Variants in NPIPB7 observed in about 807,000 individuals in gnomAD.
NPIPB7 encodes nuclear pore complex interacting protein family member B7, also known as nuclear pore complex-interacting protein family member B7.
For synonymous variants in NPIPB7, 9 were observed against 88.1 expected (o/e 0.10, Z 5.03); for missense variants, 14 against 238.5 (o/e 0.06, Z 6.20).
chr16:28,472,016 C>T (rs1250363705), upstream of NPIPB7, among the ~76,000 whole-genome samples: 10 of 151,888 alleles, frequency 6.6e-5, no homozygotes, highest in Non-Finnish European at 1.3e-4. Context: ...AGCAACAGAG[C>T]GAGACTCCGT....
chr16:28,461,934 TGA>T (rs1387797421), intron 4 of NPIPB7, among the ~76,000 whole-genome samples: 1 of 113,522 alleles, frequency 8.8e-6, no homozygotes, highest in African/African-American at 3.6e-5. Context: ...GGTGACAGAG[TGA>T]GACTCTGTCT....
upstream of NPIPB7, among the ~76,000 whole-genome samples, chr16:28,470,749 C>G (rs1393046448): frequency 1.3e-5 from 2 of 150,550 alleles, no homozygotes; most frequent in Non-Finnish European, 3.0e-5. Flanking sequence ...GGGAAAGGAT[C>G]CGGTTCAAAT....
At chr16:28,471,862 C>G (rs1174352716), upstream of NPIPB7, among the ~76,000 whole-genome samples, 2 of 151,980 alleles carry the variant, frequency 1.3e-5, no homozygotes, top group Non-Finnish European at 2.9e-5. Context: ...TCATGATTGA[C>G]CTCTCAGGGA....
intron 4 of NPIPB7, among the ~76,000 whole-genome samples, chr16:28,462,364 T>C (rs2045877052): frequency 6.8e-6 from 1 of 146,194 alleles, no homozygotes; most frequent in South Asian, 2.2e-4. Context: ...TGAGCTGAGA[T>C]TGTGCCATTG....
exon 1 of NPIPB7, chr16:28,470,522 ACCGGGGC>A (rs2045939412): frequency 1.3e-6 from 1 of 751,760 alleles, no homozygotes; most frequent in Non-Finnish European, 1.9e-6. Flanking sequence ...GGGGACGGGG[ACCGGGGC>A]CGGATCTGAG....
At position 28,460,344 on chromosome 16, in the gene NPIPB7, T is replaced by A. The variant is rs371006043; in HGVS notation, c.546-1753A>T. The stretch of plus-strand genomic sequence containing the variant: ...AAAGGCAATCTGAATGCTGGGCGCA[T>A]CTATTGAATTAGAAATGATCGGAAT... On this transcript the variant is annotated intron_variant, in intron 4 of 6. Transcript: ENST00000452313. Among the ~76,000 whole-genome samples, 131 of 76,200 alleles carry A rather than the reference T, an allele frequency of 1.7e-3. No individual in the cohort carries two copies. The East Asian group carries it at 0.039, about 23-fold the overall frequency. The allele number at this position is 76,200 out of a possible 152,430, so 50.0% of individuals were successfully genotyped here. A position where few individuals can be genotyped will look rare whatever the true frequency, so the allele number is the denominator to read the frequency against.
At chr16:28,465,534 G>A (rs1329273181) in intron 2 of NPIPB7, among the ~76,000 whole-genome samples, 723 of 144,320 alleles carry the variant, frequency 5.0e-3, no homozygotes, top group Non-Finnish European at 7.7e-3. Context: ...AATTTATACC[G>A]AAAATTCTCT....
upstream of NPIPB7, among the ~76,000 whole-genome samples, chr16:28,470,750 C>T (rs1442020052): frequency 2.7e-5 from 4 of 150,686 alleles, no homozygotes; most frequent in African/African-American, 7.2e-5. Context: ...GGAAAGGATC[C>T]GGTTCAAATT....
chr16:28,469,969 C>A (rs1170052232), intron 1 of NPIPB7, among the ~76,000 whole-genome samples: 10 of 129,630 alleles, frequency 7.7e-5, no homozygotes, highest in Admixed American at 3.8e-4. Flanking sequence ...GAGACTCTGT[C>A]TAAAAAAAAA....
In NPIPB7 at chr16:28,462,123, T is replaced by TA. The variant is rs143188114; in HGVS notation, c.545+550dup. 6.6e-3 allele frequency among the ~76,000 whole-genome samples: 919 copies of TA among 140,064 alleles called. 31 individuals are homozygous for TA. In the East Asian group the frequency reaches 0.069, roughly 10 times the overall value. The allele number at this position is 140,064 out of a possible 152,430, so 91.9% of individuals were successfully genotyped here. On this transcript the variant is annotated intron_variant, in intron 4 of 6. Coordinates refer to ENST00000452313, the Ensembl canonical transcript of NPIPB7. The stretch of plus-strand genomic sequence containing the variant: ...CAGAGCGAGATTCTATCTCAAAATT[T>TA]AAAAAAAAAAAAAAGGCTGGGTGTG...
At chr16:28,467,049 AAGAAC>A (rs2045907017) in intron 1 of NPIPB7, 147 bp from the exon 2 acceptor site, 1 of 262,704 alleles carries the variant, frequency 3.8e-6, no homozygotes, top group African/African-American at 4.3e-5. Context: ...TGCTACAAAA[AAGAAC>A]AGAAGTTAGA....
chr16:28,461,174 G>C (rs886788020), intron 4 of NPIPB7, among the ~76,000 whole-genome samples: 1 of 150,416 alleles, frequency 6.6e-6, no homozygotes, highest in South Asian at 2.1e-4. Context: ...CAAGTGGATT[G>C]AGGGTCTGCC....
chr16:28,468,625 G>A (rs1433900241), intron 1 of NPIPB7, among the ~76,000 whole-genome samples: 4 of 140,092 alleles, frequency 2.9e-5, no homozygotes, highest in Admixed American at 2.2e-4. Flanking sequence ...TAGCTAACAC[G>A]GTGAAACCCA....
At chr16:28,470,227 G>A (rs2045935764) in intron 1 of NPIPB7, 146 bp downstream of exon 1, 1 of 962,912 alleles carries the variant, frequency 1.0e-6, no homozygotes, top group South Asian at 1.6e-5. Flanking sequence ...TGATGCCCTG[G>A]CTAGTCTTCA....
chr16:28,461,304 G>T (rs1462143662), intron 4 of NPIPB7, among the ~76,000 whole-genome samples: 98 of 133,232 alleles, frequency 7.4e-4, no homozygotes, highest in African/African-American at 2.6e-3. Context: ...CTGCACCGAC[G>T]ACCTCAATTG....
At chr16:28,470,559 G>C, upstream of NPIPB7, 1 of 126,244 alleles carries the variant, frequency 7.9e-6, no homozygotes, top group Admixed American at 1.0e-4. Context: ...GGGAGGGGAG[G>C]GGGAGGGGAA....
chr16:28,461,934 T>G (rs1596611263), intron 4 of NPIPB7, among the ~76,000 whole-genome samples: 6 of 113,524 alleles, frequency 5.3e-5, no homozygotes, highest in East Asian at 5.9e-4. Flanking sequence ...GGTGACAGAG[T>G]GAGACTCTGT....
upstream of NPIPB7, among the ~76,000 whole-genome samples, chr16:28,471,797 G>A (rs989279890): frequency 2.7e-5 from 4 of 149,736 alleles, no homozygotes; most frequent in African/African-American, 9.9e-5. Context: ...TACTGCCTGT[G>A]TGTGTGGACT....
At chr16:28,468,806 C>CAA (rs1032086551) in intron 1 of NPIPB7, among the ~76,000 whole-genome samples, 4 of 24,392 alleles carry the variant, frequency 1.6e-4, no homozygotes, top group African/African-American at 4.0e-4. Flanking sequence ...GACTCTGTCT[C>CAA]AAAAAAAAAA....
Sources: allele counts gnomAD v4.1 joint callset (sites outside exome capture counted in the v4.1 genomes callset), GRCh38; gene constraint gnomAD v4.1.1; transcripts MANE v1.5; gene names NCBI Gene and HGNC (gene_info 2026-07-23, HGNC 2026-07-21).